Variants in PREPL observed in about 807,000 individuals in gnomAD.
PREPL encodes prolyl endopeptidase like, also known as prolyl endopeptidase-like.
Under a neutral mutation model 70.6 loss-of-function variants are expected in PREPL, and 77 were observed. The observed-to-expected ratio is 1.09, with a 90% CI of 0.91 to 1.32. The LOEUF (loss-of-function observed/expected upper bound fraction) is 1.32, where lower values mean the gene tolerates loss of function less well. Among genes scored for constraint, PREPL ranks in the 40% most tolerant of loss-of-function variants. PREPL has a pLI of 0.00. For synonymous variants in PREPL, 315 were observed against 264.8 expected, an observed-to-expected ratio of 1.19 and a Z score of -1.84; for missense variants, 1,002 against 778.2, an observed-to-expected ratio of 1.29 and a Z score of -3.42.
rs1303006059 is a variant in PREPL, at chr2:44,329,065, CTCAGAG to C, written c.1128_1133del (p.Asp376_Ser377del). On this transcript the variant is annotated inframe_deletion, in exon 9 of 14. Transcript: ENST00000409411. ...CCAAGAGAGGTTTCTTCTGCAAGTCCTCAGAGTCAGTTTTGTGGAAAACAGTCATTG... is the reference window on the plus strand; with the variant it reads ...CCAAGAGAGGTTTCTTCTGCAAGTCCTCAGTTTTGTGGAAAACAGTCATTG... 1 of 1,611,428 alleles carries C rather than the reference CTCAGAG, an allele frequency of 6.2e-7. No individual in the cohort carries two copies. Among genetic ancestry groups the C allele is most frequent in the Non-Finnish European group, 8.5e-7 (1 of 1,177,746 alleles).
Position 44,345,680 on chromosome 2 carries a change from T to G in PREPL, c.75+588A>C, listed in dbSNP as rs375360939. ...TTCATTTCGACTGACTATTTATGAC[T>G]GTGATAACCATAAAATGGTTAAACA... On this transcript the variant is annotated intron_variant, in intron 2 of 13. Coordinates refer to ENST00000409411, the MANE Select transcript of PREPL (RefSeq NM_001171613.2). Among the ~76,000 whole-genome samples, 13 of 152,246 alleles carry G rather than the reference T, an allele frequency of 8.5e-5. No homozygotes were observed. In the East Asian group the frequency reaches 1.9e-3, roughly 23 times the overall value.
chr2:44,359,020 C>T (rs1265427847), intron 1 of PREPL, among the ~76,000 whole-genome samples: 2 of 150,972 alleles, frequency 1.3e-5, no homozygotes, highest in African/African-American at 4.9e-5. Flanking sequence ...TTTTATAAAC[C>T]TACATTTTTA....
Position 44,321,325 on chromosome 2 carries a change from G to A in PREPL, c.*31C>T. 2 of 1,507,152 alleles carry A rather than the reference G, an allele frequency of 1.3e-6. No homozygotes were observed. Among genetic ancestry groups the A allele is most frequent in the South Asian group, 1.1e-5 (1 of 87,020 alleles). The allele number at this position is 1,507,152 out of a possible 1,614,324, so 93.4% of individuals were successfully genotyped here. A position where few individuals can be genotyped will look rare whatever the true frequency, so the allele number is the denominator to read the frequency against. On this transcript the variant is annotated 3_prime_UTR_variant, in exon 14 of 14. Coordinates refer to ENST00000409411, the MANE Select transcript of PREPL (RefSeq NM_001171613.2). ...AAGTAAGACTATGAAATATTTCAGT[G>A]TGTTTCCAATTCCCAGTTGAATGCA...
intron 7 of PREPL, among the ~76,000 whole-genome samples, chr2:44,336,884 G>C (rs1674695887): frequency 6.6e-6 from 1 of 152,066 alleles, no homozygotes; most frequent in Non-Finnish European, 1.5e-5. Flanking sequence ...GGAGTAGCTG[G>C]AGATTTCAGT....
chr2:44,340,482 A>T (rs1022709973), intron 5 of PREPL, among the ~76,000 whole-genome samples: 1 of 152,184 alleles, frequency 6.6e-6, no homozygotes, highest in African/African-American at 2.4e-5. Context: ...AATGCCCCCA[A>T]ATAACAACTG....
Position 44,344,191 on chromosome 2 carries a change from G to C in PREPL, c.143-240C>G, listed in dbSNP as rs560705106. Among the ~76,000 whole-genome samples, 6 of 152,098 alleles carry C rather than the reference G, an allele frequency of 3.9e-5. No homozygotes were observed. In the South Asian group the frequency reaches 1.2e-3, roughly 32 times the overall value. On this transcript the variant is annotated intron_variant, in intron 3 of 13. Coordinates refer to ENST00000409411, the MANE Select transcript of PREPL (RefSeq NM_001171613.2). ...TGAGACATTATTTGATATTGTTATAGTCTAGTTTAGTATTTACAGACCATA... is the reference window on the plus strand; with the variant it reads ...TGAGACATTATTTGATATTGTTATACTCTAGTTTAGTATTTACAGACCATA...
At chr2:44,359,413 G>C (rs1677416555) in intron 1 of PREPL, 1 of 1,035,408 alleles carries the variant, frequency 9.7e-7, no homozygotes, top group South Asian at 1.6e-5. Flanking sequence ...AAAATTAGTA[G>C]CTCTGATATT....
At chr2:44,359,044 A>C (rs1323347496) in intron 1 of PREPL, among the ~76,000 whole-genome samples, 1 of 149,662 alleles carries the variant, frequency 6.7e-6, no homozygotes, top group African/African-American at 2.5e-5. Flanking sequence ...ATTACATTAG[A>C]GCCCTATAAA....
At chr2:44,361,808 T>C (rs1677857983), upstream of PREPL, 1 of 1,037,278 alleles carries the variant, frequency 9.6e-7, no homozygotes, top group Non-Finnish European at 1.3e-6. Context: ...GCAAGAATGG[T>C]GCAATGGCGT....
intron 8 of PREPL, among the ~76,000 whole-genome samples, chr2:44,330,303 TGCCTGTGGAAA>T (rs1372428624): frequency 1.3e-5 from 2 of 152,196 alleles, no homozygotes; most frequent in African/African-American, 4.8e-5. Flanking sequence ...AGTACTAAAA[TGCCTGTGGAAA>T]GGTATAGCGC....
At chr2:44,327,533 G>T (rs1479418492) in intron 9 of PREPL, among the ~76,000 whole-genome samples, 1 of 152,080 alleles carries the variant, frequency 6.6e-6, no homozygotes, top group African/African-American at 2.4e-5. Flanking sequence ...CATGTATAAG[G>T]GCAAGGAGGT....
chr2:44,320,286 T>A lies in PREPL; in HGVS notation c.*1070A>T, dbSNP rs1188414273. On this transcript the variant is annotated 3_prime_UTR_variant, in exon 14 of 14. Coordinates refer to ENST00000409411, the MANE Select transcript of PREPL (RefSeq NM_001171613.2). ...CAATGAGCTACTCCTCAACAGGGGC[T>A]GGTTTTGCCATTTGAGGAATGACAG... 3 of 1,614,130 alleles carry A rather than the reference T, an allele frequency of 1.9e-6. No individual in the cohort carries two copies. Among genetic ancestry groups the A allele is most frequent in the African/African-American group, 2.7e-5 (2 of 75,058 alleles).
intron 1 of PREPL, among the ~76,000 whole-genome samples, chr2:44,351,638 C>T (rs1266203268): frequency 6.6e-6 from 1 of 152,078 alleles, no homozygotes; most frequent in East Asian, 1.9e-4. Context: ...TTTCTCTTGC[C>T]ACAAACAACT....
chr2:44,323,250 G>A lies in PREPL; in HGVS notation c.1629+12C>T, dbSNP rs371909871. The A allele has an allele frequency of 3.2e-5, 51 of 1,578,572 alleles. No homozygotes were observed. In the African/African-American group the frequency reaches 6.4e-4, roughly 20 times the overall value. On this transcript the variant is annotated intron_variant, in intron 11 of 13. Transcript: ENST00000409411. The stretch of plus-strand genomic sequence containing the variant: ...AAATTCAGGATAATCTAACACAATT[G>A]TCTTTCACTACCTGAGGTTTAATAT...
chr2:44,357,745 G>A (rs1009453290), intron 1 of PREPL, among the ~76,000 whole-genome samples: 2 of 152,032 alleles, frequency 1.3e-5, no homozygotes, highest in African/African-American at 4.8e-5. Flanking sequence ...GACAAAGTAC[G>A]ACATGACAAA....
At position 44,356,534 on chromosome 2, in the gene PREPL, GACTCCGTCTCAAACAAACAA is replaced by G. The variant is rs550343173; in HGVS notation, c.-49+4826_-49+4845del. ...CACTCCGGCCTGGGCAACAAAGCAAGACTCCGTCTCAAACAAACAAACAAACAAACAAACAACAGATGTGT... is the reference window on the plus strand; with the variant it reads ...CACTCCGGCCTGGGCAACAAAGCAAGACAAACAAACAAACAACAGATGTGT... On this transcript the variant is annotated intron_variant, in intron 1 of 13. Coordinates refer to ENST00000409411, the MANE Select transcript of PREPL (RefSeq NM_001171613.2). Among the ~76,000 whole-genome samples the G allele has an allele frequency of 1.6e-3, 207 of 130,344 alleles. 1 individual carries two copies. Among genetic ancestry groups the G allele is most frequent in the African/African-American group, 5.9e-3 (199 of 33,568 alleles). 85.5% of individuals were successfully genotyped at this position (130,344 alleles called of 152,430 possible). A position where few individuals can be genotyped will look rare whatever the true frequency, so the allele number is the denominator to read the frequency against.
At chr2:44,340,918 ACT>A (rs1361117411) in intron 5 of PREPL, among the ~76,000 whole-genome samples, 2 of 134,902 alleles carry the variant, frequency 1.5e-5, no homozygotes, top group Non-Finnish European at 3.2e-5. Context: ...ACAGAGTGAG[ACT>A]CTGTTTCAAA....
chr2:44,331,825 CCACCTT>C (rs1266085131), intron 8 of PREPL, among the ~76,000 whole-genome samples: 1 of 152,120 alleles, frequency 6.6e-6, no homozygotes, highest in East Asian at 1.9e-4. Context: ...TAGTCAACTA[CCACCTT>C]CACTATTTTT....
In PREPL at chr2:44,320,946, T is replaced by C. The variant is rs544533993; in HGVS notation, c.*410A>G. On this transcript the variant is annotated 3_prime_UTR_variant, in exon 14 of 14. Coordinates refer to ENST00000409411, the MANE Select transcript of PREPL (RefSeq NM_001171613.2). ...ATTTTAAGGGGAAGAATTTTATCTTTTCCCTTAAAATGCAGTCATAGAAAT... is the reference window on the plus strand; with the variant it reads ...ATTTTAAGGGGAAGAATTTTATCTTCTCCCTTAAAATGCAGTCATAGAAAT... 2.4e-6 allele frequency: 1 copy of C among 417,440 alleles called. No individual in the cohort carries two copies. Among genetic ancestry groups the C allele is most frequent in the Admixed American group, 4.0e-5 (1 of 25,310 alleles). 25.9% of individuals were successfully genotyped at this position (417,440 alleles called of 1,614,324 possible). A position where few individuals can be genotyped will look rare whatever the true frequency, so the allele number is the denominator to read the frequency against.
Sources: gnomAD v4.1 joint callset for allele counts (sites outside exome capture counted in the v4.1 genomes callset) on GRCh38, gnomAD v4.1.1 for gene constraint, MANE v1.5 for transcripts, NCBI Gene and HGNC (gene_info 2026-07-23, HGNC 2026-07-21) for gene names.